The following CLVS1 variants were observed in gnomAD, a reference collection of about 807,000 sequenced individuals.
The protein encoded by CLVS1 is clavesin 1, also known as clavesin-1.
Under a neutral mutation model 33.1 loss-of-function variants are expected in CLVS1, and 10 were observed. The observed-to-expected ratio is 0.30, with a 90% CI of 0.19 to 0.51. CLVS1 has a LOEUF of 0.51. CLVS1 is among the 20% of genes least tolerant of loss of function. The pLI is 0.97. For missense variants in CLVS1, 343 were observed against 433.4 expected (o/e 0.79, Z 1.85); for synonymous variants, 163 against 166.1 (o/e 0.98, Z 0.14).
intron 1 of CLVS1, among the ~76,000 whole-genome samples, chr8:61,291,222 G>C (rs1809977979): frequency 6.6e-6 from 1 of 152,112 alleles, no homozygotes; most frequent in African/African-American, 2.4e-5. Flanking sequence ...CACCTGTTCT[G>C]TGACAGGGAG....
intron 1 of CLVS1, among the ~76,000 whole-genome samples, chr8:61,105,915 C>G (rs1210023835): frequency 1.3e-5 from 2 of 152,128 alleles, no homozygotes; most frequent in African/African-American, 4.8e-5. Flanking sequence ...TAGTTGTTCT[C>G]CCGCTCATGC....
chr8:61,412,364 GA>G (rs1250237929), intron 3 of CLVS1, among the ~76,000 whole-genome samples: 1 of 152,102 alleles, frequency 6.6e-6, no homozygotes, highest in Non-Finnish European at 1.5e-5. Flanking sequence ...GTGAAGGTTT[GA>G]AAAAAACAAA....
chr8:61,205,911 A>G lies in CLVS1; in HGVS notation c.-152+74051A>G, dbSNP rs188036868. 1.6e-3 allele frequency among the ~76,000 whole-genome samples: 251 copies of G among 152,264 alleles called. 2 individuals are homozygous for G. The highest frequency in any genetic ancestry group is 0.01 in the Admixed American group (153 of 15,288). Reference sequence around the variant, plus strand: ...TAAATTGTTTATATTTTTAGATGTAATTTTATACTTTTTTGATAGTTACTT... The same window carrying G: ...TAAATTGTTTATATTTTTAGATGTAGTTTTATACTTTTTTGATAGTTACTT... On this transcript the variant is annotated intron_variant, in intron 2 of 2. Transcript: ENST00000522621.
chr8:61,435,098 G>T (rs182563764), intron 3 of CLVS1, among the ~76,000 whole-genome samples: 6 of 152,106 alleles, frequency 3.9e-5, no homozygotes, highest in East Asian at 1.9e-4. Flanking sequence ...CCTTAGGTAG[G>T]AATTTGGGCA....
At chr8:61,325,430 C>T (rs754615940) in intron 2 of CLVS1, among the ~76,000 whole-genome samples, 18 of 152,090 alleles carry the variant, frequency 1.2e-4, no homozygotes, top group Non-Finnish European at 1.8e-4. Flanking sequence ...AGGCTCTTTG[C>T]ATTTTGGACT....
At chr8:61,047,818 G>C in the CLVS1 span, among the ~76,000 whole-genome samples, 21 of 152,112 alleles carry the variant, frequency 1.4e-4, no homozygotes, top group Non-Finnish European at 1.5e-5. Context: ...GGGAGGGATA[G>C]CATTAGGAGA....
At chr8:61,020,690 T>C in the CLVS1 span, among the ~76,000 whole-genome samples, 368 of 152,356 alleles carry the variant, frequency 2.4e-3, 2 homozygotes, top group Non-Finnish European at 3.1e-3. Context: ...TTTCTCAGCA[T>C]GGAAGGCATT....
chr8:61,333,310 G>C (rs1044921252), intron 2 of CLVS1, among the ~76,000 whole-genome samples: 6 of 152,100 alleles, frequency 3.9e-5, no homozygotes, highest in Non-Finnish European at 8.8e-5. Context: ...ACTCCTTTAC[G>C]TATCAAAGCT....
chr8:61,004,158 T>C, the CLVS1 span, among the ~76,000 whole-genome samples: 83 of 152,342 alleles, frequency 5.4e-4, no homozygotes, highest in African/African-American at 1.9e-3. Flanking sequence ...GGTGCTTATG[T>C]GGATTAAATG....
intron 2 of CLVS1, among the ~76,000 whole-genome samples, chr8:61,255,488 G>A (rs1313254755): frequency 6.6e-6 from 1 of 152,212 alleles, no homozygotes; most frequent in African/African-American, 2.4e-5. Context: ...TTGTCTGTAT[G>A]TGTGTGTGGA....
chr8:61,163,295 G>C (rs1467197532), intron 2 of CLVS1, among the ~76,000 whole-genome samples: 1 of 152,092 alleles, frequency 6.6e-6, no homozygotes, highest in Non-Finnish European at 1.5e-5. Flanking sequence ...CCTTCTTTGG[G>C]AATGCTTCTT....
intron 2 of CLVS1, among the ~76,000 whole-genome samples, chr8:61,182,848 G>A (rs1016211453): frequency 1.3e-5 from 2 of 151,948 alleles, no homozygotes; most frequent in African/African-American, 4.8e-5. Flanking sequence ...ACATGCACAT[G>A]TATGTTTATT....
chr8:61,409,873 A>G (rs949496422), intron 3 of CLVS1, among the ~76,000 whole-genome samples: 2 of 152,160 alleles, frequency 1.3e-5, no homozygotes, highest in African/African-American at 4.8e-5. Flanking sequence ...TTCTCTAATT[A>G]TGATTGAGAT....
chr8:61,212,212 G>C (rs975897793), intron 2 of CLVS1, among the ~76,000 whole-genome samples: 1 of 152,188 alleles, frequency 6.6e-6, no homozygotes, highest in African/African-American at 2.4e-5. Context: ...GGAACCACCA[G>C]GGCTGCAGCG....
intron 1 of CLVS1, among the ~76,000 whole-genome samples, chr8:61,293,386 A>G (rs1374528114): frequency 6.6e-6 from 1 of 152,150 alleles, no homozygotes; most frequent in Non-Finnish European, 1.5e-5. Flanking sequence ...AGTCCTACAA[A>G]CCATAATGGC....
the CLVS1 span, among the ~76,000 whole-genome samples, chr8:61,009,943 T>C: frequency 0.015 from 2,277 of 152,332 alleles, 55 homozygotes; most frequent in African/African-American, 0.052. Context: ...CTGGCCTTAT[T>C]GTGCCAAAGG....
At chr8:61,079,019 A>T (rs1395288108) in intron 1 of CLVS1, among the ~76,000 whole-genome samples, 1 of 152,220 alleles carries the variant, frequency 6.6e-6, no homozygotes, top group African/African-American at 2.4e-5. Context: ...ATAATTTAAG[A>T]TCAAAAACAC....
chr8:61,199,550 C>T (rs1215857227), intron 2 of CLVS1, among the ~76,000 whole-genome samples: 2 of 152,188 alleles, frequency 1.3e-5, no homozygotes, highest in African/African-American at 2.4e-5. Flanking sequence ...ATTAAATCCA[C>T]AATAAGATAC....
At chr8:60,981,364 T>C in the CLVS1 span, among the ~76,000 whole-genome samples, 121,236 of 152,172 alleles carry the variant, frequency 0.8, 48,588 homozygotes, top group Non-Finnish European at 0.84. Context: ...TGAATCAAGA[T>C]GGTGCATTTC....
Sources: gnomAD v4.1 joint callset for allele counts (sites outside exome capture counted in the v4.1 genomes callset) on GRCh38, gnomAD v4.1.1 for gene constraint, MANE v1.5 for transcripts, NCBI Gene and HGNC (gene_info 2026-07-23, HGNC 2026-07-21) for gene names.